The following CNDP1 variants were observed in gnomAD, a reference collection of about 807,000 sequenced individuals.
CNDP1 encodes beta-Ala-His dipeptidase.
A neutral mutation model predicts 58.1 loss-of-function variants in CNDP1; 44 were observed. The observed-to-expected ratio is 0.76, with a 90% CI of 0.60 to 0.97. The LOEUF (loss-of-function observed/expected upper bound fraction) is 0.97, where lower values mean the gene tolerates loss of function less well. Ranked by LOEUF, CNDP1 falls within the 50% of genes least tolerant of loss-of-function variation. The pLI is 0.00. For synonymous variants in CNDP1, 254 were observed against 252.6 expected (o/e 1.01, Z -0.05); for missense variants, 616 against 655.1 (o/e 0.94, Z 0.65).
chr18:74,558,346 T>C (rs1251072806), intron 2 of CNDP1, among the ~76,000 whole-genome samples: 5 of 151,302 alleles, frequency 3.3e-5, no homozygotes, highest in African/African-American at 1.2e-4. Context: ...GTTACCTCAG[T>C]GGTCCTCACC....
At chr18:74,561,072 G>T in intron 4 of CNDP1, 54 bp downstream of exon 4, 2 of 1,582,482 alleles carry the variant, frequency 1.3e-6, no homozygotes, top group Non-Finnish European at 1.7e-6. Context: ...CAAGATTGAA[G>T]GGGTGAAGAT....
intron 10 of CNDP1, 30 bp downstream of exon 10, chr18:74,580,301 A>G (rs766003633): frequency 4.3e-6 from 7 of 1,612,390 alleles, no homozygotes; most frequent in Non-Finnish European, 5.9e-6. Flanking sequence ...TGACTGGCCA[A>G]TCTGCACTGG....
chr18:74,565,930 C>G (rs757505088), intron 5 of CNDP1, among the ~76,000 whole-genome samples: 9 of 152,238 alleles, frequency 5.9e-5, no homozygotes, highest in Non-Finnish European at 1.2e-4. Flanking sequence ...ACCTCTGCAG[C>G]AAACTTTTGC....
At chr18:74,571,950 G>A (rs1981489921) in intron 7 of CNDP1, among the ~76,000 whole-genome samples, 1 of 152,062 alleles carries the variant, frequency 6.6e-6, no homozygotes, top group Non-Finnish European at 1.5e-5. Flanking sequence ...ACAATCGTCT[G>A]TTCACCTAGT....
chr18:74,581,578 A>G (rs988408367), intron 10 of CNDP1, among the ~76,000 whole-genome samples: 1 of 152,172 alleles, frequency 6.6e-6, no homozygotes, highest in Non-Finnish European at 1.5e-5. Context: ...TCACAATGCC[A>G]CATTGCTTCC....
rs1476412729 is a variant in CNDP1, at chr18:74,567,424, C to T, written c.747C>T (p.Phe249=). 3 of 1,613,538 alleles carry T rather than the reference C, an allele frequency of 1.9e-6. No individual in the cohort carries two copies. The highest frequency in any genetic ancestry group is 2.5e-6 in the Non-Finnish European group (3 of 1,179,614). Residue 249 remains phenylalanine, a synonymous_variant, in exon 6 of 12, where the codon TTC becomes TTT. Coordinates refer to ENST00000358821, the MANE Select transcript of CNDP1 (RefSeq NM_032649.6). ...ITYGTRGNSY[F]MVEVKCRDQD... ...ACGGAACCCGGGGGAACAGCTACTTCATGGTGGAGGTATCCACAGAGAGCA... is the reference window on the plus strand; with the variant it reads ...ACGGAACCCGGGGGAACAGCTACTTTATGGTGGAGGTATCCACAGAGAGCA...
intron 1 of CNDP1, among the ~76,000 whole-genome samples, chr18:74,555,405 G>A (rs932547836): frequency 1.3e-5 from 2 of 152,088 alleles, no homozygotes; most frequent in Admixed American, 6.5e-5. Context: ...TCTCCAGCCC[G>A]CCTCTGATGG....
At chr18:74,549,462 G>A (rs1006503669) in intron 1 of CNDP1, among the ~76,000 whole-genome samples, 3 of 152,106 alleles carry the variant, frequency 2.0e-5, no homozygotes, top group Non-Finnish European at 4.4e-5. Flanking sequence ...CAGCCTCAAA[G>A]AGTGAGTTTA....
intron 1 of CNDP1, among the ~76,000 whole-genome samples, chr18:74,553,709 A>C (rs549819010): frequency 3.9e-5 from 6 of 152,322 alleles, no homozygotes; most frequent in Admixed American, 1.3e-4. Flanking sequence ...AGCAAAATTC[A>C]GACCCTTATT....
chr18:74,547,876 C>T (rs948348862), intron 1 of CNDP1, among the ~76,000 whole-genome samples: 5 of 152,190 alleles, frequency 3.3e-5, no homozygotes, highest in African/African-American at 1.2e-4. Flanking sequence ...AGACTCAGCA[C>T]AGGGGCACTT....
intron 1 of CNDP1, among the ~76,000 whole-genome samples, chr18:74,542,108 A>G (rs527854831): frequency 6.6e-6 from 1 of 152,250 alleles, no homozygotes; most frequent in African/African-American, 2.4e-5. Context: ...TTTCAGTTTC[A>G]CAGTTTGCCT....
At chr18:74,543,630 G>C (rs1170071597) in intron 1 of CNDP1, among the ~76,000 whole-genome samples, 1 of 152,012 alleles carries the variant, frequency 6.6e-6, no homozygotes, top group Non-Finnish European at 1.5e-5. Context: ...TTCTAGACTG[G>C]GCACAGTCAA....
chr18:74,558,541 C>T (rs1489488071), intron 2 of CNDP1, among the ~76,000 whole-genome samples: 2 of 151,802 alleles, frequency 1.3e-5, no homozygotes, highest in East Asian at 1.9e-4. Context: ...ACTACAGGCG[C>T]CCACCACCAC....
intron 2 of CNDP1, among the ~76,000 whole-genome samples, chr18:74,558,944 G>A (rs1033032937): frequency 2.0e-5 from 3 of 152,074 alleles, no homozygotes; most frequent in African/African-American, 7.2e-5. Context: ...GGTGTGGGAA[G>A]CCAGGAGTCC....
chr18:74,569,347 C>G (rs1010799378), intron 6 of CNDP1, among the ~76,000 whole-genome samples: 1 of 152,052 alleles, frequency 6.6e-6, no homozygotes, highest in Non-Finnish European at 1.5e-5. Context: ...TCAAAAAAGC[C>G]CAACCTGTAG....
intron 1 of CNDP1, among the ~76,000 whole-genome samples, chr18:74,543,509 C>CAAAACAAAAT (rs1980680997): frequency 6.7e-6 from 1 of 148,676 alleles, no homozygotes; most frequent in African/African-American, 2.5e-5. Flanking sequence ...TAAAACAAAA[C>CAAAACAAAAT]AAAATAAAAT....
At chr18:74,535,787 T>A (rs1980472404) in intron 1 of CNDP1, among the ~76,000 whole-genome samples, 1 of 152,098 alleles carries the variant, frequency 6.6e-6, no homozygotes, top group Non-Finnish European at 1.5e-5. Context: ...ATCCCAACAC[T>A]TTAGGAGGCC....
At chr18:74,552,928 A>G (rs1279735671) in intron 1 of CNDP1, among the ~76,000 whole-genome samples, 1 of 152,194 alleles carries the variant, frequency 6.6e-6, no homozygotes, top group Non-Finnish European at 1.5e-5. Flanking sequence ...ATTTCTCTAC[A>G]TCTTTGTCAA....
chr18:74,543,562 CA>C (rs1313946465), intron 1 of CNDP1, among the ~76,000 whole-genome samples: 4 of 151,584 alleles, frequency 2.6e-5, no homozygotes, highest in Non-Finnish European at 4.4e-5. Context: ...GTATTAAAAT[CA>C]ACCAATTAGA....
Sources: allele counts gnomAD v4.1 joint callset (sites outside exome capture counted in the v4.1 genomes callset), GRCh38; gene constraint gnomAD v4.1.1; transcripts MANE v1.5; gene names NCBI Gene and HGNC (gene_info 2026-07-23, HGNC 2026-07-21).